Variants in TTBK2 observed in about 807,000 individuals in gnomAD.
TTBK2 encodes tau-tubulin kinase 2.
A neutral mutation model predicts 110.8 loss-of-function variants in TTBK2; 28 were observed. That is an observed-to-expected ratio of 0.25 (90% CI 0.19 to 0.35). The LOEUF is 0.35. TTBK2 is among the 10% of genes least tolerant of loss of function. The pLI, the probability that TTBK2 is intolerant of heterozygous loss-of-function variation, is 1.00. For missense variants in TTBK2, 1,369 were observed against 1,500.3 expected (o/e 0.91, Z 1.45); for synonymous variants, 532 against 527.3 (o/e 1.01, Z -0.12).
chr15:42,790,762 T>G (rs920642249), intron 10 of TTBK2, among the ~76,000 whole-genome samples: 8 of 151,838 alleles, frequency 5.3e-5, no homozygotes, highest in African/African-American at 1.9e-4. Context: ...TGCAGTGGCA[T>G]GATCTCAGCT....
At chr15:42,855,287 C>T (rs1006350051) in intron 3 of TTBK2, 2 of 152,102 alleles carry the variant, frequency 1.3e-5, no homozygotes, top group Non-Finnish European at 2.9e-5. Flanking sequence ...CTTATTAAAA[C>T]CTATTGAGAG....
intron 1 of TTBK2, among the ~76,000 whole-genome samples, chr15:42,899,853 G>GATCACGCC (rs1216022496): frequency 6.6e-6 from 1 of 151,142 alleles, no homozygotes; most frequent in Non-Finnish European, 1.5e-5. Context: ...AGTGAGCCAA[G>GATCACGCC]ATCACGCCAC....
chr15:42,796,212 T>C (rs931550903), intron 9 of TTBK2, among the ~76,000 whole-genome samples: 27 of 152,174 alleles, frequency 1.8e-4, no homozygotes, highest in African/African-American at 6.0e-4. Flanking sequence ...AAGACCAGCC[T>C]GGCCAACATG....
chr15:42,905,222 G>A (rs140200638), intron 1 of TTBK2, among the ~76,000 whole-genome samples: 30 of 152,062 alleles, frequency 2.0e-4, no homozygotes, highest in African/African-American at 7.2e-4. Flanking sequence ...TACAAATAGA[G>A]TAAAAAAGAT....
At chr15:42,910,327 A>G (rs1225197063) in intron 1 of TTBK2, among the ~76,000 whole-genome samples, 1 of 152,080 alleles carries the variant, frequency 6.6e-6, no homozygotes, top group Non-Finnish European at 1.5e-5. Context: ...ATAGGTTTGC[A>G]GTAAAGAAAC....
At chr15:42,785,544 A>G (rs1395607458) in intron 10 of TTBK2, among the ~76,000 whole-genome samples, 1 of 152,240 alleles carries the variant, frequency 6.6e-6, no homozygotes, top group Non-Finnish European at 1.5e-5. Context: ...ATAGTTCAGC[A>G]TGAACTGACC....
At chr15:42,794,892 T>C (rs761104536) in intron 9 of TTBK2, 91 bp from the exon 10 acceptor site, 2 of 1,537,300 alleles carry the variant, frequency 1.3e-6, no homozygotes, top group Admixed American at 1.8e-5. Context: ...CATAAAATGA[T>C]TTTGTAATGT....
At chr15:42,910,415 CACTTCT>C (rs1480634468) in intron 1 of TTBK2, among the ~76,000 whole-genome samples, 1 of 152,212 alleles carries the variant, frequency 6.6e-6, no homozygotes, top group Non-Finnish European at 1.5e-5. Flanking sequence ...TCTACTCATT[CACTTCT>C]ACTCATCTAG....
At chr15:42,794,894 T>C in intron 9 of TTBK2, 93 bp from the exon 10 acceptor site, 1 of 1,535,760 alleles carries the variant, frequency 6.5e-7, no homozygotes. Flanking sequence ...TAAAATGATT[T>C]TGTAATGTGA....
intron 4 of TTBK2, among the ~76,000 whole-genome samples, chr15:42,832,704 G>A (rs1274030262): frequency 6.6e-6 from 1 of 152,130 alleles, no homozygotes; most frequent in Non-Finnish European, 1.5e-5. Flanking sequence ...TCTGAGTAGT[G>A]TGATGAAATC....
At chr15:42,912,985 C>T (rs1197175260) in intron 1 of TTBK2, among the ~76,000 whole-genome samples, 1 of 149,862 alleles carries the variant, frequency 6.7e-6, no homozygotes, top group African/African-American at 2.5e-5. Context: ...ATTAGCCGGG[C>T]GCGGTGGCGG....
intron 7 of TTBK2, among the ~76,000 whole-genome samples, chr15:42,816,085 A>AATAAATAT (rs1397691949): frequency 5.3e-4 from 36 of 67,444 alleles, no homozygotes; most frequent in Middle Eastern, 8.6e-3. Context: ...TAAATAAATA[A>AATAAATAT]ATATATATAT....
intron 9 of TTBK2, chr15:42,801,261 T>C (rs1891184999): frequency 6.5e-7 from 1 of 1,543,908 alleles, no homozygotes. Context: ...GATCTTGATA[T>C]CCAGGGCCAG....
intron 9 of TTBK2, chr15:42,801,437 C>A (rs1179086842): frequency 2.3e-6 from 2 of 884,576 alleles, no homozygotes; most frequent in Admixed American, 1.7e-5. Flanking sequence ...AGCCCTCTGG[C>A]CTTTGAGACC....
chr15:42,878,568 A>G lies in TTBK2; in HGVS notation c.50T>C (p.Val17Ala), dbSNP rs762322065. The G allele has an allele frequency of 6.2e-7, 1 of 1,611,496 alleles. No homozygotes were observed. Among genetic ancestry groups the G allele is most frequent in the Non-Finnish European group, 8.5e-7 (1 of 1,179,404 alleles). ...QLDILSVGIL[V>A]KERWKVLRKI... Reference sequence around the variant, plus strand: ...ACTCACCACTTTCCATCTTTCTTTCACTAGGATTCCAACACTCAGGATATC... The same window carrying G: ...ACTCACCACTTTCCATCTTTCTTTCGCTAGGATTCCAACACTCAGGATATC... Residue 17 changes from valine (V) to alanine (A), a missense_variant, in exon 2 of 15, where the codon GTG (valine) becomes GCG (alanine). Around this residue, in one of 4 missense-constraint regions of TTBK2, gnomAD observed 122 missense variants for 159.7 expected, o/e 0.76. Coordinates refer to ENST00000267890, the MANE Select transcript of TTBK2 (RefSeq NM_173500.4).
chr15:42,768,403 A>T (rs1382325108), intron 13 of TTBK2, among the ~76,000 whole-genome samples: 1 of 152,272 alleles, frequency 6.6e-6, no homozygotes, highest in East Asian at 1.9e-4. Context: ...CTGATAAGCA[A>T]CTTCAGCAAA....
chr15:42,838,981 C>T (rs1456643469), intron 4 of TTBK2, among the ~76,000 whole-genome samples: 1 of 151,982 alleles, frequency 6.6e-6, no homozygotes, highest in Non-Finnish European at 1.5e-5. Context: ...GGTATATGTG[C>T]AGGTTTGACA....
chr15:42,763,325 T>C (rs982582249), intron 13 of TTBK2, among the ~76,000 whole-genome samples: 16 of 140,136 alleles, frequency 1.1e-4, no homozygotes, highest in African/African-American at 4.0e-4. Context: ...GCAGTTCTCC[T>C]GCCTCAGCCT....
chr15:42,783,994 G>A (rs1054702425), intron 10 of TTBK2, among the ~76,000 whole-genome samples: 1 of 151,760 alleles, frequency 6.6e-6, no homozygotes, highest in Non-Finnish European at 1.5e-5. Context: ...TCTAGAAGGC[G>A]GAGGTTACAG....
Sources: gnomAD v4.1 joint callset for allele counts (sites outside exome capture counted in the v4.1 genomes callset) on GRCh38, gnomAD v4.1.1 for gene constraint, gnomAD v4.1.1 regional missense constraint, MANE v1.5 for transcripts, NCBI Gene and HGNC (gene_info 2026-07-23, HGNC 2026-07-21) for gene names.